TENM3: variants seen among roughly 807,000 people sequenced by gnomAD.
TENM3 encodes teneurin transmembrane protein 3, also known as teneurin-3.
Under a neutral mutation model 255.1 loss-of-function variants are expected in TENM3, and 63 were observed. That is an observed-to-expected ratio of 0.25 (90% confidence interval 0.20 to 0.30). The LOEUF (loss-of-function observed/expected upper bound fraction) is 0.30, where lower values mean the gene tolerates loss of function less well. Ranked by LOEUF, TENM3 falls within the 10% of genes least tolerant of loss-of-function variation. The pLI is 1.00. For missense variants in TENM3, 2,929 were observed against 3,461.1 expected (o/e 0.85, Z 3.86); for synonymous variants, 1,306 against 1,322.3 (o/e 0.99, Z 0.27).
Position 182,275,626 on chromosome 4 carries a change from CTT to C in TENM3, c.-76+32152_-76+32153del, listed in dbSNP as rs563728699. Among the ~76,000 whole-genome samples, 734 of 151,988 alleles carry C rather than the reference CTT, an allele frequency of 4.8e-3. 7 individuals are homozygous for C. The highest frequency in any genetic ancestry group is 0.017 in the African/African-American group (695 of 41,474). On this transcript the variant is annotated intron_variant, in intron 1 of 27. Coordinates refer to ENST00000511685, the MANE Select transcript of TENM3 (RefSeq NM_001080477.4). ...ATAATTTTAGAGCATAGTAAGTACT[CTT>C]TAAAAAAAAAGAAGAGAGATGTTAT...
intron 3 of TENM3, among the ~76,000 whole-genome samples, chr4:182,421,384 A>G (rs1012160892): frequency 6.6e-5 from 10 of 152,150 alleles, no homozygotes; most frequent in South Asian, 2.1e-4. Flanking sequence ...AGCCCTGACA[A>G]TATATATACT....
At chr4:182,626,930 A>G in intron 4 of TENM3, among the ~76,000 whole-genome samples, 1 of 152,104 alleles carries the variant, frequency 6.6e-6, no homozygotes, top group East Asian at 1.9e-4. Flanking sequence ...TTACAGGTCA[A>G]GAAAAAAAAC....
At chr4:181,642,493 T>C in the TENM3 span, among the ~76,000 whole-genome samples, 2 of 151,736 alleles carry the variant, frequency 1.3e-5, no homozygotes, top group African/African-American at 4.9e-5. Flanking sequence ...CATTTGTCAA[T>C]TTTGGTTTTT....
At chr4:181,870,518 T>C in the TENM3 span, among the ~76,000 whole-genome samples, 1 of 152,186 alleles carries the variant, frequency 6.6e-6, no homozygotes, top group Non-Finnish European at 1.5e-5. Flanking sequence ...GGCTTTAGTT[T>C]ACATTATCCT....
chr4:181,453,464 TAGTG>T, the TENM3 span, among the ~76,000 whole-genome samples: 43 of 152,026 alleles, frequency 2.8e-4, no homozygotes, highest in Middle Eastern at 3.4e-3. Flanking sequence ...TATGAAGACA[TAGTG>T]AGGCCAGATG....
At chr4:181,528,016 G>C in the TENM3 span, among the ~76,000 whole-genome samples, 19,110 of 151,852 alleles carry the variant, frequency 0.13, 1,354 homozygotes, top group East Asian at 0.2. Context: ...TTTTTAAAAG[G>C]GGGGGTTAAA....
At chr4:182,210,340 C>T (rs759697099) in intron 1 of TENM3, among the ~76,000 whole-genome samples, 1 of 152,008 alleles carries the variant, frequency 6.6e-6, no homozygotes, top group African/African-American at 2.4e-5. Context: ...GGCTTCTTTT[C>T]CCCCCAACCC....
intron 3 of TENM3, among the ~76,000 whole-genome samples, chr4:182,499,763 A>G (rs1736143960): frequency 6.6e-6 from 1 of 152,204 alleles, no homozygotes; most frequent in African/African-American, 2.4e-5. Context: ...GCATTTTCTA[A>G]CGAACTGAAA....
chr4:182,630,996 G>A (rs1386178147), intron 5 of TENM3, among the ~76,000 whole-genome samples: 1 of 152,054 alleles, frequency 6.6e-6, no homozygotes, highest in Non-Finnish European at 1.5e-5. Context: ...TGTTACCTGT[G>A]AGACTTGTAC....
At chr4:181,989,639 C>G in the TENM3 span, among the ~76,000 whole-genome samples, 6 of 152,258 alleles carry the variant, frequency 3.9e-5, no homozygotes, top group African/African-American at 1.4e-4. Context: ...TTGAGCCAAA[C>G]TGGCTGTCTA....
the TENM3 span, among the ~76,000 whole-genome samples, chr4:182,127,705 A>G: frequency 6.6e-6 from 1 of 152,240 alleles, no homozygotes; most frequent in African/African-American, 2.4e-5. Context: ...TTGGAGCAGA[A>G]CAAAGTTTAC....
At chr4:182,712,571 G>A (rs993454996) in intron 12 of TENM3, among the ~76,000 whole-genome samples, 3 of 152,134 alleles carry the variant, frequency 2.0e-5, no homozygotes, top group African/African-American at 4.8e-5. Flanking sequence ...ATCCATAAGT[G>A]TAATTTCATT....
chr4:181,814,839 G>A, the TENM3 span, among the ~76,000 whole-genome samples: 4 of 152,004 alleles, frequency 2.6e-5, no homozygotes, highest in Non-Finnish European at 5.9e-5. Flanking sequence ...AGGGAGGGAG[G>A]AGGAACTTAA....
the TENM3 span, among the ~76,000 whole-genome samples, chr4:181,591,468 A>G: frequency 6.6e-6 from 1 of 152,174 alleles, no homozygotes. Flanking sequence ...ACTGGAAACA[A>G]CCCAAATGTC....
At chr4:182,525,811 C>T (rs190210603) in intron 3 of TENM3, among the ~76,000 whole-genome samples, 4 of 152,224 alleles carry the variant, frequency 2.6e-5, no homozygotes, top group Admixed American at 2.6e-4. Context: ...GCAAGATTTC[C>T]AAATAAAGGA....
At chr4:181,663,193 G>A in the TENM3 span, among the ~76,000 whole-genome samples, 1 of 152,246 alleles carries the variant, frequency 6.6e-6, no homozygotes, top group Admixed American at 6.5e-5. Context: ...CATTTTCTGT[G>A]GTTTTGAGGC....
the TENM3 span, among the ~76,000 whole-genome samples, chr4:182,061,320 C>T: frequency 6.6e-6 from 1 of 152,150 alleles, no homozygotes; most frequent in South Asian, 2.1e-4. Flanking sequence ...ATGGCACTCA[C>T]TCCATCTAGC....
chr4:181,558,478 A>T, the TENM3 span, among the ~76,000 whole-genome samples: 2 of 152,242 alleles, frequency 1.3e-5, no homozygotes, highest in Admixed American at 1.3e-4. Context: ...TGAACTATTC[A>T]ATACGGGATT....
the TENM3 span, among the ~76,000 whole-genome samples, chr4:181,513,997 C>T: frequency 6.6e-6 from 1 of 152,072 alleles, no homozygotes; most frequent in Admixed American, 6.5e-5. Flanking sequence ...AACTAAGAAA[C>T]ATATAAATAT....
Sources: allele counts gnomAD v4.1 joint callset (sites outside exome capture counted in the v4.1 genomes callset), GRCh38; gene constraint gnomAD v4.1.1; transcripts MANE v1.5; gene names NCBI Gene and HGNC (gene_info 2026-07-23, HGNC 2026-07-21).